Variants in CCDC178 observed in about 807,000 individuals in gnomAD.
CCDC178 encodes coiled-coil domain containing 178.
A neutral mutation model predicts 117.4 loss-of-function variants in CCDC178; 126 were observed. The observed-to-expected ratio is 1.07, with a 90% CI of 0.93 to 1.24. The LOEUF (loss-of-function observed/expected upper bound fraction) is 1.24. Ranked by LOEUF, CCDC178 falls within the 50% of genes most tolerant of loss-of-function variation. The pLI is 0.00. For missense variants in CCDC178, 1,030 were observed against 986.9 expected, an observed-to-expected ratio of 1.04 and a Z score of -0.59; for synonymous variants, 283 against 313.4, an observed-to-expected ratio of 0.90 and a Z score of 1.02.
chr18:33,303,071 A>C (rs1157460800), intron 11 of CCDC178, among the ~76,000 whole-genome samples: 6 of 152,208 alleles, frequency 3.9e-5, no homozygotes, highest in Non-Finnish European at 8.8e-5. Context: ...AGTTACCCTG[A>C]TCTAATTACT....
rs182403735 is a variant in CCDC178 at position 33,308,942 on chromosome 18, G to A, written c.1022+14549C>T. On this transcript the variant is annotated intron_variant, in intron 11 of 22. Coordinates refer to ENST00000383096, the MANE Select transcript of CCDC178 (RefSeq NM_001105528.4). ...CTCTTTTCTTTATAAATTACCCAGT[G>A]TCAGGCAGTTCTTTATACTAGCATG... 4.8e-3 allele frequency among the ~76,000 whole-genome samples: 736 copies of A among 152,230 alleles called. 3 individuals carry two copies. The highest frequency in any genetic ancestry group is 0.024 in the Middle Eastern group (7 of 294).
chr18:32,978,441 G>T (rs2055072535), intron 21 of CCDC178, among the ~76,000 whole-genome samples: 1 of 151,800 alleles, frequency 6.6e-6, no homozygotes, highest in Non-Finnish European at 1.5e-5. Flanking sequence ...TATCAAATAG[G>T]TATGACAACA....
Position 33,020,340 on chromosome 18 carries a change from A to C in CCDC178, c.2389-45659T>G, listed in dbSNP as rs749313795. 2.6e-5 allele frequency among the ~76,000 whole-genome samples: 4 copies of C among 152,200 alleles called. 1 individual carries two copies. Among genetic ancestry groups the C allele is most frequent in the Middle Eastern group, 6.8e-3 (2 of 294 alleles). On this transcript the variant is annotated intron_variant, in intron 21 of 22. Coordinates refer to ENST00000383096, the MANE Select transcript of CCDC178 (RefSeq NM_001105528.4). ...TAAACAAATTATAGTGATCCAAAGA[A>C]ACTGAAATAATGTTGAGCTCACATT... is the stretch of plus-strand genomic sequence containing the variant.
intron 20 of CCDC178, among the ~76,000 whole-genome samples, chr18:33,113,914 G>A (rs1189506021): frequency 2.0e-5 from 3 of 152,022 alleles, no homozygotes; most frequent in Admixed American, 6.6e-5. Context: ...CATTACAGAT[G>A]TCAGGTAGAA....
intron 22 of CCDC178, chr18:32,958,309 G>T (rs776349897): frequency 7.6e-6 from 3 of 392,524 alleles, no homozygotes; most frequent in Non-Finnish European, 1.4e-5. Context: ...TTTCTGTGAA[G>T]ATAATGTTAT....
chr18:33,412,981 C>T (rs533986673), intron 2 of CCDC178, among the ~76,000 whole-genome samples: 1 of 152,232 alleles, frequency 6.6e-6, no homozygotes, highest in Non-Finnish European at 1.5e-5. Flanking sequence ...CTAACAACCT[C>T]CCTGTGCTGT....
chr18:33,160,131 G>T (rs182255018), intron 20 of CCDC178, among the ~76,000 whole-genome samples: 1 of 152,082 alleles, frequency 6.6e-6, no homozygotes, highest in Admixed American at 6.6e-5. Context: ...CCATGTTTCT[G>T]TACAATTGAG....
chr18:33,314,743 C>T (rs112424692), intron 11 of CCDC178, among the ~76,000 whole-genome samples: 2 of 152,188 alleles, frequency 1.3e-5, no homozygotes, highest in African/African-American at 4.8e-5. Context: ...AGATCATTTA[C>T]AACCTAAATA....
chr18:33,288,663 T>C (rs534045893), intron 12 of CCDC178, among the ~76,000 whole-genome samples: 2 of 151,952 alleles, frequency 1.3e-5, no homozygotes, highest in African/African-American at 4.8e-5. Flanking sequence ...AGCGCCAGCA[T>C]AGGGGTAAAC....
At chr18:33,344,026 C>T (rs1346141682) in intron 9 of CCDC178, among the ~76,000 whole-genome samples, 3 of 151,952 alleles carry the variant, frequency 2.0e-5, no homozygotes, top group African/African-American at 4.8e-5. Context: ...AAAATACGGC[C>T]GGGCGCGGTG....
chr18:33,049,853 G>T (rs9946467), intron 21 of CCDC178, among the ~76,000 whole-genome samples: 21,645 of 151,616 alleles, frequency 0.14, 2,382 homozygotes, highest in African/African-American at 0.31. Context: ...GAGGCCGAGG[G>T]GGGTGGATAC....
In CCDC178 at chr18:33,284,622, T is replaced by C. The variant is rs77198777; in HGVS notation, c.1176+8537A>G. 3.1e-3 allele frequency among the ~76,000 whole-genome samples: 469 copies of C among 152,322 alleles called. 6 individuals are homozygous for C. The highest frequency in any genetic ancestry group is 0.011 in the African/African-American group (452 of 41,568). On this transcript the variant is annotated intron_variant, in intron 12 of 22. Coordinates refer to ENST00000383096, the MANE Select transcript of CCDC178 (RefSeq NM_001105528.4). The stretch of plus-strand genomic sequence containing the variant: ...AATATCTTCTATTCGCTTGAGTATA[T>C]TCTAAACTTTGAGGAATCAGCATTA...
rs189323486 is a variant in CCDC178, at chr18:33,355,154, C to T, written c.371+1170G>A. 4.1e-3 allele frequency among the ~76,000 whole-genome samples: 624 copies of T among 152,230 alleles called. 4 individuals carry two copies. The highest frequency in any genetic ancestry group is 6.4e-3 in the Non-Finnish European group (435 of 68,012). ...CAAGCTTTCTTTTCTTTGCATTCTT[C>T]ATATTTACTTTTTGAAAATTGGACA... On this transcript the variant is annotated intron_variant, in intron 7 of 22. Coordinates refer to ENST00000383096, the MANE Select transcript of CCDC178 (RefSeq NM_001105528.4).
chr18:33,310,071 C>A (rs1248374110), intron 11 of CCDC178, among the ~76,000 whole-genome samples: 1 of 152,032 alleles, frequency 6.6e-6, no homozygotes, highest in Non-Finnish European at 1.5e-5. Context: ...AAGCAATTCC[C>A]CTGCCTCAGC....
intron 15 of CCDC178, among the ~76,000 whole-genome samples, chr18:33,237,559 C>T (rs180820824): frequency 2.5e-4 from 38 of 152,148 alleles, no homozygotes; most frequent in African/African-American, 8.9e-4. Context: ...TCCCCTCCCC[C>T]TGGCTGAAAT....
intron 20 of CCDC178, among the ~76,000 whole-genome samples, chr18:33,116,469 C>T (rs1041583819): frequency 1.1e-4 from 16 of 152,140 alleles, no homozygotes; most frequent in Non-Finnish European, 1.6e-4. Flanking sequence ...TCTCACAGTT[C>T]TGTAGGTCAG....
chr18:32,983,516 C>T lies in CCDC178; in HGVS notation c.2389-8835G>A, dbSNP rs561142972. 4.1e-4 allele frequency among the ~76,000 whole-genome samples: 62 copies of T among 152,166 alleles called. 2 individuals are homozygous for T. The highest frequency in any genetic ancestry group is 2.7e-3 in the South Asian group (13 of 4,828). On this transcript the variant is annotated intron_variant, in intron 21 of 22. Transcript: ENST00000383096. ...AAAAATGCTGTATCCTGTAGATTTGCATTTGCACCTTAGGTAATCTAATTA... is the reference window on the plus strand; with the variant it reads ...AAAAATGCTGTATCCTGTAGATTTGTATTTGCACCTTAGGTAATCTAATTA...
At chr18:32,944,902 G>A (rs1364247804) in intron 22 of CCDC178, among the ~76,000 whole-genome samples, 3 of 152,110 alleles carry the variant, frequency 2.0e-5, no homozygotes, top group African/African-American at 7.2e-5. Context: ...TGTAAGATTT[G>A]CCTTTTGCCT....
intron 15 of CCDC178, among the ~76,000 whole-genome samples, chr18:33,239,568 A>T (rs2059462304): frequency 6.6e-6 from 1 of 151,882 alleles, no homozygotes; most frequent in Non-Finnish European, 1.5e-5. Flanking sequence ...CTGTACTTAT[A>T]TCAGACAAAT....
Sources: gnomAD v4.1 joint callset for allele counts (sites outside exome capture counted in the v4.1 genomes callset) on GRCh38, gnomAD v4.1.1 for gene constraint, MANE v1.5 for transcripts, NCBI Gene and HGNC (gene_info 2026-07-23, HGNC 2026-07-21) for gene names.